Variants in ZNF804A observed in about 807,000 individuals in gnomAD.
The protein encoded by ZNF804A is zinc finger protein 804A.
A neutral mutation model predicts 16.5 loss-of-function variants in ZNF804A; 2 were observed. That is an observed-to-expected ratio of 0.12 (90% CI 0.05 to 0.38). The LOEUF (loss-of-function observed/expected upper bound fraction) is 0.38. Among genes scored for constraint, ZNF804A ranks in the 10% least tolerant of loss-of-function variants. The pLI, the probability that ZNF804A is intolerant of heterozygous loss-of-function variation, is 0.99. For synonymous variants in ZNF804A, 534 were observed against 489.6 expected (o/e 1.09, Z -1.20); for missense variants, 1,473 against 1,390.7 (o/e 1.06, Z -0.94).
At chr2:184,719,023 C>T (rs1693257645) in intron 1 of ZNF804A, among the ~76,000 whole-genome samples, 1 of 152,212 alleles carries the variant, frequency 6.6e-6, no homozygotes, top group Non-Finnish European at 1.5e-5. Flanking sequence ...ATCCCTACAG[C>T]AAACTTCTGC....
chr2:184,684,162 A>G (rs1405017025), intron 1 of ZNF804A, among the ~76,000 whole-genome samples: 1 of 152,216 alleles, frequency 6.6e-6, no homozygotes, highest in South Asian at 2.1e-4. Flanking sequence ...CTAAGGCGTA[A>G]TGAATGATTT....
chr2:184,636,309 T>TGC (rs2105689907), intron 1 of ZNF804A, among the ~76,000 whole-genome samples: 2 of 111,902 alleles, frequency 1.8e-5, no homozygotes, highest in Non-Finnish European at 3.9e-5. Flanking sequence ...TTTTCTTTTG[T>TGC]GTGTGTGTGT....
At chr2:184,637,039 G>T (rs1445660031) in intron 1 of ZNF804A, among the ~76,000 whole-genome samples, 1 of 151,976 alleles carries the variant, frequency 6.6e-6, no homozygotes, top group Admixed American at 6.6e-5. Flanking sequence ...CTTTCATAGT[G>T]ATGATCTATG....
intron 1 of ZNF804A, among the ~76,000 whole-genome samples, chr2:184,703,712 A>G (rs985642118): frequency 2.7e-5 from 4 of 146,210 alleles, no homozygotes; most frequent in African/African-American, 1.0e-4. Flanking sequence ...AAAAAAAAAA[A>G]GAAAGAAAGA....
chr2:184,730,547 C>T (rs528373400), intron 1 of ZNF804A, among the ~76,000 whole-genome samples: 57 of 152,290 alleles, frequency 3.7e-4, no homozygotes, highest in Non-Finnish European at 7.6e-4. Context: ...CCCTTTCCCC[C>T]ACACCTGGCA....
At chr2:184,899,418 T>A (rs75124643) in intron 2 of ZNF804A, among the ~76,000 whole-genome samples, 10,437 of 152,030 alleles carry the variant, frequency 0.069, 1,207 homozygotes, top group African/African-American at 0.23. Flanking sequence ...AACTGATGAA[T>A]GAAATTTGTG....
intron 1 of ZNF804A, among the ~76,000 whole-genome samples, chr2:184,622,933 A>T (rs1691441255): frequency 6.6e-6 from 1 of 152,018 alleles, no homozygotes; most frequent in Non-Finnish European, 1.5e-5. Context: ...AAAAATCAGA[A>T]CTTAGAACAA....
chr2:184,898,535 A>G (rs1030550381), intron 2 of ZNF804A, among the ~76,000 whole-genome samples: 5 of 152,106 alleles, frequency 3.3e-5, no homozygotes, highest in African/African-American at 1.2e-4. Flanking sequence ...ATTCAACTGC[A>G]AATTGTTTAC....
chr2:184,937,420 A>G lies in ZNF804A; in HGVS notation c.2024A>G (p.Lys675Arg). 6.2e-7 allele frequency: 1 copy of G among 1,612,848 alleles called. No individual in the cohort carries two copies. The highest frequency in any genetic ancestry group is 8.5e-7 in the Non-Finnish European group (1 of 1,179,498). Reference sequence around the variant, plus strand: ...TTAAGTGACAATGAAGAAATGTGTAAAACATGGAATACTGAATACAACACT... The same window carrying G: ...TTAAGTGACAATGAAGAAATGTGTAGAACATGGAATACTGAATACAACACT... ...ISLSDNEEMC[K>R]TWNTEYNTYD... is the part of the protein sequence containing the mutation. Residue 675 changes from lysine (K) to arginine (R), a missense_variant, in exon 4 of 4, where the codon AAA (lysine) becomes AGA (arginine). Transcript: ENST00000302277.
chr2:184,898,702 T>C (rs1315494384), intron 2 of ZNF804A, among the ~76,000 whole-genome samples: 4 of 152,064 alleles, frequency 2.6e-5, no homozygotes, highest in Admixed American at 6.6e-5. Flanking sequence ...TTTACTTTTA[T>C]ACAGGACACA....
At chr2:184,817,836 G>T (rs1048898710) in intron 1 of ZNF804A, among the ~76,000 whole-genome samples, 12 of 151,832 alleles carry the variant, frequency 7.9e-5, no homozygotes, top group African/African-American at 2.9e-4. Context: ...TCCGAAATAA[G>T]ACAGGCAGAA....
intron 1 of ZNF804A, among the ~76,000 whole-genome samples, chr2:184,709,793 A>G (rs1165711167): frequency 1.3e-5 from 2 of 148,576 alleles, no homozygotes; most frequent in African/African-American, 4.9e-5. Flanking sequence ...TAGACTTTTC[A>G]TATATATATA....
intron 1 of ZNF804A, among the ~76,000 whole-genome samples, chr2:184,679,027 T>TA (rs1249705414): frequency 6.6e-6 from 1 of 152,004 alleles, no homozygotes; most frequent in African/African-American, 2.4e-5. Flanking sequence ...AATGTAATAA[T>TA]AAAAAAATAA....
chr2:184,923,502 A>T (rs1038746385), intron 2 of ZNF804A, among the ~76,000 whole-genome samples: 3 of 151,588 alleles, frequency 2.0e-5, no homozygotes, highest in African/African-American at 7.3e-5. Context: ...CAAAGATAAC[A>T]TGGCTTCTTC....
chr2:184,789,120 G>T (rs1694493147), intron 1 of ZNF804A, among the ~76,000 whole-genome samples: 1 of 152,024 alleles, frequency 6.6e-6, no homozygotes, highest in South Asian at 2.1e-4. Flanking sequence ...ACTTAGTTCT[G>T]TTAATTAGGT....
chr2:184,694,028 C>G (rs1442980171), intron 1 of ZNF804A, among the ~76,000 whole-genome samples: 1 of 148,880 alleles, frequency 6.7e-6, no homozygotes, highest in Non-Finnish European at 1.5e-5. Flanking sequence ...CTTTTAGGTT[C>G]AAGTGATGCT....
chr2:184,664,791 C>T (rs1692230745), intron 1 of ZNF804A, among the ~76,000 whole-genome samples: 1 of 152,066 alleles, frequency 6.6e-6, no homozygotes, highest in Non-Finnish European at 1.5e-5. Flanking sequence ...TTTTATCATA[C>T]AACAATATTT....
chr2:184,747,335 A>G (rs1215809120), intron 1 of ZNF804A, among the ~76,000 whole-genome samples: 1 of 149,616 alleles, frequency 6.7e-6, no homozygotes, highest in Non-Finnish European at 1.5e-5. Flanking sequence ...AAAAAAAAAA[A>G]AAAAAAAGAA....
chr2:184,794,649 T>G (rs1378106413), intron 1 of ZNF804A, among the ~76,000 whole-genome samples: 1 of 152,100 alleles, frequency 6.6e-6, no homozygotes, highest in Non-Finnish European at 1.5e-5. Flanking sequence ...TAATGGTACC[T>G]CACATTTCAA....
Sources: gnomAD v4.1 joint callset for allele counts (sites outside exome capture counted in the v4.1 genomes callset) on GRCh38, gnomAD v4.1.1 for gene constraint, MANE v1.5 for transcripts, NCBI Gene and HGNC (gene_info 2026-07-23, HGNC 2026-07-21) for gene names.